The following CUBN variants were observed in gnomAD, a reference collection of about 807,000 sequenced individuals.
CUBN encodes 460 kDa receptor.
In CUBN, 282 loss-of-function variants were observed where a neutral mutation model predicts 405.3. The ratio of observed to expected loss-of-function variants is 0.70; its 90% CI spans 0.63 to 0.77. The LOEUF (loss-of-function observed/expected upper bound fraction) is 0.77. Among genes scored for constraint, CUBN ranks in the 30% least tolerant of loss-of-function variants. The pLI is 0.00. For missense variants in CUBN, 4,514 were observed against 4,475.2 expected, an observed-to-expected ratio of 1.01 and a Z score of -0.25; for synonymous variants, 1,684 against 1,617.0, an observed-to-expected ratio of 1.04 and a Z score of -0.99.
chr10:16,990,585 C>A, intron 28 of CUBN, 70 bp from the exon 29 acceptor site: 2 of 1,415,798 alleles, frequency 1.4e-6, no homozygotes. Context: ...CCAAATTCAA[C>A]TCACCGAAAG....
At chr10:16,960,097 T>C (rs79925815) in intron 31 of CUBN, among the ~76,000 whole-genome samples, 5,112 of 152,300 alleles carry the variant, frequency 0.034, 290 homozygotes, top group African/African-American at 0.12. Context: ...CAGAGGCAGA[T>C]CTAATGGAGT....
At chr10:17,120,178 A>G (rs149330909) in intron 6 of CUBN, among the ~76,000 whole-genome samples, 179 of 152,336 alleles carry the variant, frequency 1.2e-3, no homozygotes, top group African/African-American at 4.2e-3. Flanking sequence ...CAAGGATTTA[A>G]CCTCACATAA....
intron 17 of CUBN, among the ~76,000 whole-genome samples, chr10:17,076,538 C>T (rs1835859477): frequency 6.7e-6 from 1 of 150,028 alleles, no homozygotes; most frequent in Admixed American, 6.6e-5. Flanking sequence ...GGATGGATGG[C>T]ATTATTTTAC....
Position 17,042,139 on chromosome 10 carries a change from AGTGTACATTT to A in CUBN, c.3830-929_3830-920del, listed in dbSNP as rs1406520858. Among the ~76,000 whole-genome samples, 4 of 152,350 alleles carry A rather than the reference AGTGTACATTT, an allele frequency of 2.6e-5. No homozygotes were observed. The East Asian group carries it at 7.7e-4, about 29-fold the overall frequency. ...ACCATTTATAACTTTGGTTTAAAAAAGTGTACATTTGTGGCTCTTCAAAATATTGCTTTGT... is the reference window on the plus strand; with the variant it reads ...ACCATTTATAACTTTGGTTTAAAAAAGTGGCTCTTCAAAATATTGCTTTGT... On this transcript the variant is annotated intron_variant, in intron 26 of 66. Coordinates refer to ENST00000377833, the MANE Select transcript of CUBN (RefSeq NM_001081.4).
chr10:17,123,597 T>A lies in CUBN; in HGVS notation c.480A>T (p.Pro160=), dbSNP rs1184326837. 1 of 1,612,854 alleles carries A rather than the reference T, an allele frequency of 6.2e-7. No homozygotes were observed. The change falls in exon 5 of 67, where the codon CCA becomes CCT. Residue 160 remains proline (P), a synonymous_variant. Coordinates refer to ENST00000377833, the MANE Select transcript of CUBN (RefSeq NM_001081.4). ...LHDSFFCICP[P]QWKGPLCSAD... ...AGAGTAGATGACTCACCTTCCACTGTGGGGGACAGATACAAAAAAAGGAAT... is the reference window on the plus strand; with the variant it reads ...AGAGTAGATGACTCACCTTCCACTGAGGGGGACAGATACAAAAAAAGGAAT...
intron 31 of CUBN, among the ~76,000 whole-genome samples, chr10:16,968,647 T>TCTCACACTC (rs1282337466): frequency 6.6e-6 from 1 of 152,244 alleles, no homozygotes; most frequent in Non-Finnish European, 1.5e-5. Flanking sequence ...CACACTGAGC[T>TCTCACACTC]ACAAGCAGCC....
chr10:17,118,584 G>A (rs924570050), intron 6 of CUBN, among the ~76,000 whole-genome samples: 3 of 152,112 alleles, frequency 2.0e-5, no homozygotes, highest in Admixed American at 1.3e-4. Flanking sequence ...CTACAGATGC[G>A]TGCCAGCACG....
At position 16,835,149 on chromosome 10, in the gene CUBN, A is replaced by G. The variant is rs1395214883; in HGVS notation, c.10227T>C (p.Pro3409=). The part of the protein sequence containing the change: ...YHKAFGNLRS[P]GWPDNYDNDK... Reference sequence around the variant, plus strand: ...CATTGTCGTAGTTATCTGGCCATCCAGGGCTTCTCAGGTTGCCAAATGCCT... The same window carrying G: ...CATTGTCGTAGTTATCTGGCCATCCGGGGCTTCTCAGGTTGCCAAATGCCT... The change falls in exon 64 of 67, where the codon CCT becomes CCC. Residue 3409 remains proline, a synonymous_variant. Transcript: ENST00000377833. The G allele has an allele frequency of 1.2e-6, 2 of 1,614,206 alleles. No individual in the cohort carries two copies. The highest frequency in any genetic ancestry group is 1.1e-5 in the South Asian group (1 of 91,088).
At chr10:16,928,532 C>CT (rs35335421) in intron 40 of CUBN, among the ~76,000 whole-genome samples, 1,082 of 106,996 alleles carry the variant, frequency 0.01, 20 homozygotes, top group African/African-American at 0.022. Context: ...CCACCCCCCC[C>CT]TTTTTTTTTT....
intron 27 of CUBN, among the ~76,000 whole-genome samples, chr10:17,030,938 A>G (rs1834773128): frequency 6.6e-6 from 1 of 152,090 alleles, no homozygotes; most frequent in South Asian, 2.1e-4. Flanking sequence ...ATAAAATAAA[A>G]TAAGAGTTGT....
intron 28 of CUBN, among the ~76,000 whole-genome samples, chr10:16,996,557 C>T (rs1833741145): frequency 6.6e-6 from 1 of 152,130 alleles, no homozygotes; most frequent in Non-Finnish European, 1.5e-5. Context: ...TTATAAAATT[C>T]CAGTACTGAA....
intron 17 of CUBN, among the ~76,000 whole-genome samples, chr10:17,081,002 G>A (rs546248536): frequency 2.4e-4 from 36 of 152,112 alleles, no homozygotes; most frequent in African/African-American, 8.0e-4. Flanking sequence ...CTTCACTTAA[G>A]AGAGATATAT....
chr10:17,013,848 C>T (rs2131769164), intron 28 of CUBN, among the ~76,000 whole-genome samples: 1 of 152,304 alleles, frequency 6.6e-6, no homozygotes, highest in Non-Finnish European at 1.5e-5. Flanking sequence ...ATCCCATTTT[C>T]CACAAATGAA....
At chr10:17,047,713 A>G in intron 22 of CUBN, 110 bp from the exon 23 acceptor site, 3 of 1,028,466 alleles carry the variant, frequency 2.9e-6, no homozygotes, top group Non-Finnish European at 4.4e-6. Flanking sequence ...ATTTTCAATA[A>G]GCCATTCTGG....
At chr10:17,105,365 C>T (rs1322315884) in intron 11 of CUBN, 92 bp downstream of exon 11, 1 of 823,782 alleles carries the variant, frequency 1.2e-6, no homozygotes, top group Admixed American at 1.7e-5. Context: ...GACTCATTAT[C>T]TTGACATTCC....
rs1842411931 is a variant in CUBN at position 16,933,239 on chromosome 10, A to G, written c.5972T>C (p.Leu1991Pro). The G allele has an allele frequency of 3.1e-6, 5 of 1,614,028 alleles. No homozygotes were observed. Among genetic ancestry groups the G allele is most frequent in the Non-Finnish European group, 4.2e-6 (5 of 1,179,980 alleles). The change falls in exon 40 of 67, where the codon CTC becomes CCC. Residue 1991 changes from leucine to proline, a missense_variant. Leu to Pro is a moderately conservative substitution (Grantham distance 98). Transcript: ENST00000377833. ...ACTGTCAGGCCAGCCCGGGGAGAAG[A>G]GAAACACGGGTGCATCTCCCGTCCT... ...FLRTGDAPVF[L>P]FSPGWPDSYS...
chr10:16,954,274 A>C, intron 32 of CUBN, 115 bp downstream of exon 32: 1 of 1,190,562 alleles, frequency 8.4e-7, no homozygotes, highest in Non-Finnish European at 1.3e-6. Context: ...TTAATTTTTT[A>C]CATGTTAAGT....
Position 16,990,485 on chromosome 10 carries a change from C to G in CUBN, c.4199G>C (p.Gly1400Ala). 2.5e-6 allele frequency: 4 copies of G among 1,614,156 alleles called. No individual in the cohort carries two copies. Among genetic ancestry groups the G allele is most frequent in the Non-Finnish European group, 1.7e-6 (2 of 1,180,032 alleles). ...GCGGELSGAT[G>A]SFSSPGFPNR... is the part of the protein sequence containing the mutation. ...GGGGAACCCGGGGCTGCTGAAGGAG[C>G]CTGTGGCCCCAGACAGCTCTCCACC... Residue 1400 changes from glycine (G) to alanine (A), a missense_variant, in exon 29 of 67, where the codon GGC becomes GCC. Physicochemically the swap from Gly to Ala is moderately conservative, Grantham distance 60. Transcript: ENST00000377833.
chr10:17,056,854 A>T (rs1835407382), intron 22 of CUBN, among the ~76,000 whole-genome samples: 1 of 148,210 alleles, frequency 6.7e-6, no homozygotes, highest in South Asian at 2.1e-4. Context: ...CATATGACTC[A>T]TTAATAAGAA....
Sources: gnomAD v4.1 joint callset for allele counts (sites outside exome capture counted in the v4.1 genomes callset) on GRCh38, gnomAD v4.1.1 for gene constraint, MANE v1.5 for transcripts, NCBI Gene and HGNC (gene_info 2026-07-23, HGNC 2026-07-21) for gene names.